DPEP2: variants seen among roughly 807,000 people sequenced by gnomAD.
The protein encoded by DPEP2 is dipeptidase 2.
DPEP2 carries 45 observed loss-of-function variants against 51.8 expected under a neutral mutation model. The observed-to-expected ratio is 0.87, with a 90% CI of 0.68 to 1.11. DPEP2 has a LOEUF of 1.11. Ranked by LOEUF, DPEP2 falls within the 50% of genes most tolerant of loss-of-function variation. The pLI is 0.00. For synonymous variants in DPEP2, 255 were observed against 262.7 expected, an observed-to-expected ratio of 0.97 and a Z score of 0.28; for missense variants, 604 against 631.9, an observed-to-expected ratio of 0.96 and a Z score of 0.47.
At chr16:67,999,014 G>A (rs1488578043) in intron 1 of DPEP2, among the ~76,000 whole-genome samples, 1 of 152,192 alleles carries the variant, frequency 6.6e-6, no homozygotes, top group Admixed American at 6.5e-5. Flanking sequence ...GGCCAGATAA[G>A]AGAATAAAAG....
intron 1 of DPEP2, among the ~76,000 whole-genome samples, chr16:67,996,999 A>ATATTATTATTAT (rs35421512): frequency 7.9e-5 from 11 of 139,108 alleles, no homozygotes; most frequent in South Asian, 4.7e-4. Context: ...ATAGATAATG[A>ATATTATTATTAT]TATTATTATT....
At chr16:67,993,944 G>C (rs2032497093) in intron 1 of DPEP2, 5 of 983,996 alleles carry the variant, frequency 5.1e-6, no homozygotes, top group Non-Finnish European at 6.0e-6. Context: ...TCCGCCCCCC[G>C]CCCCGACCGC....
chr16:67,992,898 C>A, intron 2 of DPEP2, 52 bp downstream of exon 2: 2 of 1,561,166 alleles, frequency 1.3e-6, no homozygotes, highest in East Asian at 2.3e-5. Context: ...GGGACCCTCC[C>A]TTGCCCAGGA....
chr16:67,999,040 C>T lies in DPEP2; in HGVS notation c.-46+335G>A, dbSNP rs536247047. ...AGAATAAAAGCAGGCTGCCTGAGCC[C>T]GCAGTGGCTACCTGTTCTGGTCCCC... is the stretch of plus-strand genomic sequence containing the variant. On this transcript the variant is annotated intron_variant, in intron 1 of 10. Transcript: ENST00000393847. Among the ~76,000 whole-genome samples the T allele has an allele frequency of 2.6e-5, 4 of 152,276 alleles. No individual in the cohort carries two copies. In the South Asian group the frequency reaches 6.2e-4, roughly 24 times the overall value.
In DPEP2 at chr16:67,992,143, G is replaced by A. The variant is rs774565867; in HGVS notation, c.441C>T (p.Arg147=). The A allele has an allele frequency of 1.9e-6, 3 of 1,614,052 alleles. No homozygotes were observed. The highest frequency in any genetic ancestry group is 1.3e-5 in the African/African-American group (1 of 74,928). ...TGAGGTCAATCTGCTCCAGGGTGAG[G>A]CGCAGGGCATCCCGGTCCTGGGTCT... ...PCQTQDRDAL[R]LTLEQIDLIR... The change falls in exon 4 of 11, where the codon CGC becomes CGT. Residue 147 remains arginine (R), a synonymous_variant. Transcript: ENST00000393847.
intron 9 of DPEP2, among the ~76,000 whole-genome samples, chr16:67,988,394 AAAG>A (rs1473855700): frequency 1.3e-5 from 2 of 148,794 alleles, no homozygotes; most frequent in Admixed American, 6.7e-5. Flanking sequence ...AAAAGACAAA[AAAG>A]AAAGAAAGAA....
Position 67,987,719 on chromosome 16 carries a change from C to T in DPEP2, c.1248G>A (p.Lys416=), listed in dbSNP as rs759082940. 8 of 1,614,006 alleles carry T rather than the reference C, an allele frequency of 5.0e-6. No homozygotes were observed. In the Admixed American group the frequency reaches 6.7e-5, roughly 13 times the overall value. Residue 416 remains lysine, a synonymous_variant, in exon 11 of 11, where the codon AAG becomes AAA. Transcript: ENST00000393847. ...AACTGCTCAGCTGCTCATCCGGGAA[C>T]TTGTCCTCCAAGGGGCTTTGCCATT... ...ENKWQSPLED[K]FPDEQLSSSC...
In DPEP2 at chr16:67,992,996, G is replaced by C; in HGVS notation, c.217C>G (p.Gln73Glu). Residue 73 changes from glutamine to glutamate, a missense_variant, in exon 2 of 11, where the codon CAA (glutamine) becomes GAA (glutamate). Physicochemically the swap from Gln to Glu is conservative, Grantham distance 29 (BLOSUM62 2). Coordinates refer to ENST00000393847, the MANE Select transcript of DPEP2 (RefSeq NM_022355.4). The stretch of plus-strand genomic sequence containing the variant: ...CGCATCAGGGCCCGTGCCTGCTCTT[G>C]CAGGCCCTGGGTGCTGGGACTACTG... Reference protein sequence around the residue: ...TLSSPSTQGLQEQARALMRDF... With the variant: ...TLSSPSTQGLEEQARALMRDF... 1 of 1,609,368 alleles carries C rather than the reference G, an allele frequency of 6.2e-7. No homozygotes were observed. Among genetic ancestry groups the C allele is most frequent in the Non-Finnish European group, 8.5e-7 (1 of 1,177,920 alleles).
intron 1 of DPEP2, chr16:67,993,502 T>C (rs1440043204): frequency 3.4e-6 from 4 of 1,184,042 alleles, no homozygotes; most frequent in Non-Finnish European, 4.2e-6. Flanking sequence ...CGGCCTGTCT[T>C]AGGGCCCTCC....
At chr16:67,988,158 T>G in intron 9 of DPEP2, 171 bp from the exon 10 acceptor site, 2 of 707,336 alleles carry the variant, frequency 2.8e-6, no homozygotes, top group Admixed American at 2.9e-5. Context: ...CCTCAAAACC[T>G]CCTTGAATAT....
At chr16:67,999,946 G>A (rs2032928464), upstream of DPEP2, among the ~76,000 whole-genome samples, 1 of 152,144 alleles carries the variant, frequency 6.6e-6, no homozygotes, top group African/African-American at 2.4e-5. Flanking sequence ...CCTCCTGCCT[G>A]AAGTTCTTCC....
rs917540608 is a variant in DPEP2 at position 67,993,336 on chromosome 16, A to G, written c.-45-79T>C. 1.8e-5 allele frequency: 24 copies of G among 1,320,190 alleles called. No individual in the cohort carries two copies. In the African/African-American group the frequency reaches 3.7e-4, roughly 20 times the overall value. The allele number at this position is 1,320,190 out of a possible 1,614,324, so 81.8% of individuals were successfully genotyped here. A position where few individuals can be genotyped will look rare whatever the true frequency, so the allele number is the denominator to read the frequency against. On this transcript the variant is annotated intron_variant, in intron 1 of 10. Coordinates refer to ENST00000393847, the MANE Select transcript of DPEP2 (RefSeq NM_022355.4). The stretch of plus-strand genomic sequence containing the variant: ...TCAGGCCACCTGGCGGCGTGGCCTC[A>G]AGAGGAGGGTAACGAAGTCACAGGG...
At chr16:67,995,820 C>T (rs1359564912) in intron 1 of DPEP2, among the ~76,000 whole-genome samples, 3 of 151,878 alleles carry the variant, frequency 2.0e-5, no homozygotes, top group Non-Finnish European at 2.9e-5. Context: ...AAACATTAGC[C>T]GGGCTTGGTG....
At chr16:67,999,605 A>G, upstream of DPEP2, 5 of 584,422 alleles carry the variant, frequency 8.6e-6, no homozygotes, top group Non-Finnish European at 1.1e-5. Flanking sequence ...ATGTGAGCCC[A>G]CGATGCCTGG....
At chr16:67,989,123 T>C (rs941950517) in intron 9 of DPEP2, among the ~76,000 whole-genome samples, 200 bp downstream of exon 9, 1 of 152,136 alleles carries the variant, frequency 6.6e-6, no homozygotes, top group Non-Finnish European at 1.5e-5. Flanking sequence ...CGTGCAGTGC[T>C]GGGCAGATGA....
At chr16:67,999,649 T>A (rs551875928), upstream of DPEP2, 1 of 229,222 alleles carries the variant, frequency 4.4e-6, no homozygotes, top group Admixed American at 6.5e-5. Flanking sequence ...TGGTAGGACA[T>A]GGTGGCTCAT....
intron 1 of DPEP2, among the ~76,000 whole-genome samples, chr16:67,998,520 G>A (rs557022284): frequency 1.6e-4 from 24 of 152,320 alleles, no homozygotes; most frequent in South Asian, 6.2e-4. Context: ...GCTCCTGTGC[G>A]GCCGGAGCCT....
intron 3 of DPEP2, 99 bp downstream of exon 3, chr16:67,992,411 C>G: frequency 1.1e-5 from 16 of 1,520,602 alleles, no homozygotes; most frequent in Non-Finnish European, 1.3e-5. Flanking sequence ...ACTATGGTAA[C>G]TGAGTTCTCA....
chr16:67,988,701 T>C (rs2031742680), intron 9 of DPEP2, among the ~76,000 whole-genome samples: 1 of 151,936 alleles, frequency 6.6e-6, no homozygotes, highest in Non-Finnish European at 1.5e-5. Context: ...GGAGAATCAC[T>C]TGAGTCCAGG....
Sources: gnomAD v4.1 joint callset for allele counts (sites outside exome capture counted in the v4.1 genomes callset) on GRCh38, gnomAD v4.1.1 for gene constraint, MANE v1.5 for transcripts, NCBI Gene and HGNC (gene_info 2026-07-23, HGNC 2026-07-21) for gene names.